MCTP1: variants seen among roughly 807,000 people sequenced by gnomAD.
The protein encoded by MCTP1 is multiple C2 and transmembrane domain-containing protein 1.
A neutral mutation model predicts 120.6 loss-of-function variants in MCTP1; 69 were observed. The ratio of observed to expected loss-of-function variants is 0.57; its 90% CI spans 0.47 to 0.70. The LOEUF is 0.70. Among genes scored for constraint, MCTP1 ranks in the 30% least tolerant of loss-of-function variants. The pLI is 0.00. For missense variants in MCTP1, 1,203 were observed against 1,248.8 expected (o/e 0.96, Z 0.55); for synonymous variants, 529 against 493.1 (o/e 1.07, Z -0.96).
At chr5:94,960,278 A>G (rs1451634362) in intron 2 of MCTP1, among the ~76,000 whole-genome samples, 2 of 152,222 alleles carry the variant, frequency 1.3e-5, no homozygotes, top group East Asian at 3.8e-4. Context: ...CTCAGGATGG[A>G]TGAAAGATTT....
At position 95,065,133 on chromosome 5, in the gene MCTP1, C is replaced by T. The variant is rs58170167; in HGVS notation, c.721-47649G>A. On this transcript the variant is annotated intron_variant, in intron 1 of 22. Transcript: ENST00000515393. ...CAAGAATAATTAGAAAACTTGAACA[C>T]TACTAAAATTATTATTAATTAATTA... Among the ~76,000 whole-genome samples the T allele has an allele frequency of 5.4e-3, 813 of 151,880 alleles. 7 individuals carry two copies. The highest frequency in any genetic ancestry group is 0.018 in the African/African-American group (750 of 41,442).
chr5:95,143,438 T>C (rs1474706295), intron 1 of MCTP1, among the ~76,000 whole-genome samples: 1 of 152,254 alleles, frequency 6.6e-6, no homozygotes, highest in Admixed American at 6.5e-5. Context: ...TATTTTTTGA[T>C]TCAGAGAGTA....
intron 7 of MCTP1, among the ~76,000 whole-genome samples, chr5:94,923,637 G>A (rs1812258890): frequency 6.6e-6 from 1 of 152,132 alleles, no homozygotes; most frequent in South Asian, 2.1e-4. Context: ...AGAGAGGAAA[G>A]AAAGAGCCTT....
Position 94,797,054 on chromosome 5 carries a change from A to G in MCTP1, c.2556+1959T>C, listed in dbSNP as rs1341532133. Among the ~76,000 whole-genome samples the G allele has an allele frequency of 2.0e-5, 3 of 152,306 alleles. No homozygotes were observed. The East Asian group carries it at 5.8e-4, about 29-fold the overall frequency. On this transcript the variant is annotated intron_variant, in intron 18 of 22. Coordinates refer to ENST00000515393, the MANE Select transcript of MCTP1 (RefSeq NM_024717.7). ...ACTAAAAGGAAAAGATTTGGTAAAT[A>G]CTATTTTGAAGCTATATTTTGCAAA...
intron 1 of MCTP1, among the ~76,000 whole-genome samples, chr5:95,116,089 C>T (rs926182580): frequency 3.3e-5 from 5 of 152,026 alleles, no homozygotes. Flanking sequence ...GAAATAAACA[C>T]TTTCCCAGAC....
chr5:95,199,228 A>G (rs1399636623), intron 1 of MCTP1, among the ~76,000 whole-genome samples: 1 of 152,176 alleles, frequency 6.6e-6, no homozygotes, highest in Non-Finnish European at 1.5e-5. Context: ...CACAAATTCC[A>G]TTTCAATTTG....
intron 1 of MCTP1, among the ~76,000 whole-genome samples, chr5:95,126,420 C>T (rs1391490840): frequency 6.6e-6 from 1 of 152,146 alleles, no homozygotes; most frequent in Non-Finnish European, 1.5e-5. Context: ...ATCAGAAAAC[C>T]ATGCATGCAT....
At position 95,085,023 on chromosome 5, in the gene MCTP1, C is replaced by A. The variant is rs571782188; in HGVS notation, c.721-67539G>T. Among the ~76,000 whole-genome samples the A allele has an allele frequency of 2.2e-4, 33 of 152,228 alleles. No individual in the cohort carries two copies. The South Asian group carries it at 6.8e-3, about 32-fold the overall frequency. ...TGTCTGTTTGGCTCTATTTTATTCT[C>A]TAAGCCCACTGATCCTAGTAACTTA... On this transcript the variant is annotated intron_variant, in intron 1 of 22. Coordinates refer to ENST00000515393, the MANE Select transcript of MCTP1 (RefSeq NM_024717.7).
At chr5:94,961,844 G>A (rs73774809) in intron 2 of MCTP1, among the ~76,000 whole-genome samples, 1,824 of 152,206 alleles carry the variant, frequency 0.012, 35 homozygotes, top group African/African-American at 0.041. Context: ...ATGATTTAAA[G>A]AAAAAGGTGA....
chr5:94,961,460 A>G, intron 2 of MCTP1, among the ~76,000 whole-genome samples: 1 of 152,176 alleles, frequency 6.6e-6, no homozygotes, highest in South Asian at 2.1e-4. Flanking sequence ...TAAGTTGTTC[A>G]TGGATACAAA....
chr5:95,268,311 G>A (rs115359408), intron 1 of MCTP1, among the ~76,000 whole-genome samples: 1,606 of 152,238 alleles, frequency 0.011, 24 homozygotes, highest in African/African-American at 0.035. Flanking sequence ...TACTAAAATC[G>A]TTGGTACTTA....
chr5:95,118,981 G>A (rs1449805311), intron 1 of MCTP1, among the ~76,000 whole-genome samples: 1 of 152,170 alleles, frequency 6.6e-6, no homozygotes, highest in African/African-American at 2.4e-5. Flanking sequence ...AGATCTTCCA[G>A]ACAGAAAATC....
intron 1 of MCTP1, among the ~76,000 whole-genome samples, chr5:95,102,219 T>C (rs1372867951): frequency 6.6e-6 from 1 of 152,124 alleles, no homozygotes; most frequent in Non-Finnish European, 1.5e-5. Context: ...AAAACTTGCC[T>C]ATGTGAACCA....
intron 17 of MCTP1, among the ~76,000 whole-genome samples, chr5:94,819,434 C>T (rs1172115806): frequency 2.0e-5 from 3 of 151,966 alleles, no homozygotes; most frequent in Non-Finnish European, 4.4e-5. Context: ...CCTGGCCTAA[C>T]TACTTCAAAT....
At chr5:94,962,339 G>A (rs918078163) in intron 2 of MCTP1, among the ~76,000 whole-genome samples, 4 of 151,880 alleles carry the variant, frequency 2.6e-5, no homozygotes, top group African/African-American at 4.8e-5. Context: ...AAACATACTT[G>A]CACATGCATG....
chr5:94,914,397 A>T (rs1809543789), intron 8 of MCTP1, among the ~76,000 whole-genome samples: 1 of 152,210 alleles, frequency 6.6e-6, no homozygotes, highest in Non-Finnish European at 1.5e-5. Context: ...TACCAGAGCA[A>T]CGCCATAGGT....
intron 19 of MCTP1, among the ~76,000 whole-genome samples, chr5:94,750,925 G>A (rs77759053): frequency 0.088 from 13,410 of 152,208 alleles, 659 homozygotes; most frequent in South Asian, 0.13. Flanking sequence ...AAAAGGACTG[G>A]GAGTAGCATA....
chr5:94,812,110 C>G (rs1305029254), intron 17 of MCTP1, among the ~76,000 whole-genome samples: 1 of 152,090 alleles, frequency 6.6e-6, no homozygotes. Context: ...CAATGATTTA[C>G]TGTGATCAAT....
chr5:94,953,623 C>A (rs546795737), intron 2 of MCTP1, among the ~76,000 whole-genome samples: 18 of 150,602 alleles, frequency 1.2e-4, no homozygotes, highest in Non-Finnish European at 2.4e-4. Flanking sequence ...TCCAGCAATC[C>A]CGCTAGTGGA....
Sources: gnomAD v4.1 joint callset for allele counts (sites outside exome capture counted in the v4.1 genomes callset) on GRCh38, gnomAD v4.1.1 for gene constraint, MANE v1.5 for transcripts, NCBI Gene and HGNC (gene_info 2026-07-23, HGNC 2026-07-21) for gene names.